The following RGS22 variants were observed in gnomAD, a reference collection of about 807,000 sequenced individuals.
The protein encoded by RGS22 is regulator of G protein signaling 22.
RGS22 carries 148 observed loss-of-function variants against 172.9 expected under a neutral mutation model. The observed-to-expected ratio is 0.86, with a 90% CI of 0.75 to 0.98. RGS22 has a LOEUF of 0.98. Ranked by LOEUF, RGS22 falls within the 50% of genes least tolerant of loss-of-function variation. The pLI is 0.00. For synonymous variants in RGS22, 458 were observed against 480.2 expected (o/e 0.95, Z 0.60); for missense variants, 1,347 against 1,440.8 (o/e 0.93, Z 1.05).
At position 99,978,000 on chromosome 8, in the gene RGS22, T is replaced by C; in HGVS notation, c.3436A>G (p.Ile1146Val). The C allele has an allele frequency of 6.4e-7, 1 of 1,552,532 alleles. No individual in the cohort carries two copies. Among genetic ancestry groups the C allele is most frequent in the Non-Finnish European group, 8.6e-7 (1 of 1,158,528 alleles). The change falls in exon 23 of 28, where the codon ATT becomes GTT. Residue 1146 changes from isoleucine to valine, a missense_variant. Coordinates refer to ENST00000360863, the MANE Select transcript of RGS22 (RefSeq NM_015668.5). Reference protein sequence around the residue: ...EFRKNLTDENIMSVLERRQEY... With the variant: ...EFRKNLTDENVMSVLERRQEY... The stretch of plus-strand genomic sequence containing the variant: ...TGTCTTCTCTCTAAAACACTCATAA[T>C]ATTTTCATCTGTTAAATTCTTCCTA...
chr8:100,078,507 G>T (rs1006404592), intron 4 of RGS22, among the ~76,000 whole-genome samples: 2 of 151,266 alleles, frequency 1.3e-5, no homozygotes, highest in African/African-American at 4.9e-5. Flanking sequence ...CATTTTCCTA[G>T]TTGTTTTATT....
intron 14 of RGS22, among the ~76,000 whole-genome samples, chr8:100,009,463 A>G (rs574147916): frequency 1.6e-4 from 24 of 151,726 alleles, no homozygotes; most frequent in South Asian, 8.4e-4. Flanking sequence ...GGAAAGATAT[A>G]CATAGAACCT....
Position 100,062,591 on chromosome 8 carries a change from C to A in RGS22, c.1514G>T (p.Trp505Leu). 1 of 1,576,604 alleles carries A rather than the reference C, an allele frequency of 6.3e-7. No individual in the cohort carries two copies. The highest frequency in any genetic ancestry group is 8.7e-7 in the Non-Finnish European group (1 of 1,154,362). ...AAGTAACTGATTCATGTTTTCTTAC[C>A]AATACAGAAGTAAAGGTTTTAAAAC... ...SEVLKPLLLY[W>L]APRFCVTHSA... Residue 505 changes from tryptophan (W) to leucine (L), a missense_variant and splice_region_variant, in exon 9 of 28, where the codon TGG (tryptophan) becomes TTG (leucine). Coordinates refer to ENST00000360863, the MANE Select transcript of RGS22 (RefSeq NM_015668.5).
intron 21 of RGS22, among the ~76,000 whole-genome samples, chr8:99,982,887 T>A (rs1370709865): frequency 6.6e-6 from 1 of 152,098 alleles, no homozygotes; most frequent in Non-Finnish European, 1.5e-5. Context: ...GATGCTGAGG[T>A]TTGGGGTACA....
At chr8:99,987,090 C>T (rs1452083277) in intron 21 of RGS22, among the ~76,000 whole-genome samples, 1 of 152,034 alleles carries the variant, frequency 6.6e-6, no homozygotes, top group Non-Finnish European at 1.5e-5. Context: ...TTGTATTATA[C>T]CTACTGGTTG....
Position 100,064,449 on chromosome 8 carries a change from C to T in RGS22, c.725-406G>A, listed in dbSNP as rs556063834. 3.0e-4 allele frequency among the ~76,000 whole-genome samples: 46 copies of T among 151,406 alleles called. No homozygotes were observed. In the Middle Eastern group the frequency reaches 0.034, roughly 112 times the overall value. On this transcript the variant is annotated intron_variant, in intron 7 of 27. Transcript: ENST00000360863. ...CTGCACTCCAGCCTGGGCAATAGAG[C>T]AAGACTCTGTCTCAAAAAAGAAAAG...
At chr8:100,029,720 A>AG (rs1390135843) in intron 14 of RGS22, among the ~76,000 whole-genome samples, 5 of 150,800 alleles carry the variant, frequency 3.3e-5, no homozygotes, top group East Asian at 1.9e-4. Context: ...AAAAAAAAAA[A>AG]AAAGAAAAAA....
chr8:99,992,793 T>G (rs931239510), intron 20 of RGS22, among the ~76,000 whole-genome samples: 1 of 152,062 alleles, frequency 6.6e-6, no homozygotes, highest in Non-Finnish European at 1.5e-5. Flanking sequence ...AACTCTTCAC[T>G]CCAAATCAAC....
At chr8:100,030,481 C>T (rs1477888545) in intron 14 of RGS22, among the ~76,000 whole-genome samples, 1 of 152,130 alleles carries the variant, frequency 6.6e-6, no homozygotes, top group Admixed American at 6.5e-5. Flanking sequence ...CAGCTCCATG[C>T]ATGTTACTGC....
At chr8:100,044,254 GT>G (rs1259883564) in intron 11 of RGS22, among the ~76,000 whole-genome samples, 2 of 152,146 alleles carry the variant, frequency 1.3e-5, no homozygotes, top group East Asian at 3.9e-4. Flanking sequence ...TTGTTTGTTC[GT>G]TTGTTTGTTT....
chr8:100,001,544 T>C (rs1382869388), intron 18 of RGS22, among the ~76,000 whole-genome samples: 1 of 152,100 alleles, frequency 6.6e-6, no homozygotes, highest in Non-Finnish European at 1.5e-5. Flanking sequence ...CAATCTTATA[T>C]TCTTGCTGTC....
At chr8:99,963,104 G>A in intron 24 of RGS22, 126 bp from the exon 25 acceptor site, 1 of 703,048 alleles carries the variant, frequency 1.4e-6, no homozygotes, top group Admixed American at 3.8e-5. Context: ...ATAAAGAAAA[G>A]TGCACATCAC....
intron 14 of RGS22, among the ~76,000 whole-genome samples, chr8:100,024,962 G>T (rs1245666566): frequency 2.0e-5 from 3 of 151,842 alleles, no homozygotes; most frequent in African/African-American, 7.3e-5. Context: ...GAGAAGTTCA[G>T]GTGTTGGCCT....
chr8:100,093,543 A>C (rs1812745991), intron 2 of RGS22, 34 bp from the exon 3 acceptor site: 1 of 1,394,196 alleles, frequency 7.2e-7, no homozygotes, highest in African/African-American at 1.5e-5. Flanking sequence ...ACAGTATTAT[A>C]ATTATACATT....
At chr8:99,973,365 G>A (rs1419249839) in intron 23 of RGS22, among the ~76,000 whole-genome samples, 5 of 152,142 alleles carry the variant, frequency 3.3e-5, no homozygotes, top group Non-Finnish European at 7.4e-5. Context: ...TCTTTTGCAG[G>A]GACATGAATG....
chr8:100,053,462 G>GGGAGAT, intron 9 of RGS22, among the ~76,000 whole-genome samples: 1 of 128,044 alleles, frequency 7.8e-6, no homozygotes, highest in East Asian at 2.4e-4. Context: ...GGGAGGGAGA[G>GGGAGAT]AGGGAGGGAG....
At chr8:100,020,042 G>A (rs1054783712) in intron 14 of RGS22, among the ~76,000 whole-genome samples, 7 of 152,014 alleles carry the variant, frequency 4.6e-5, no homozygotes, top group South Asian at 2.1e-4. Flanking sequence ...CTGCCACCAC[G>A]CCCAGCTAAT....
At chr8:100,061,242 G>A (rs999757293) in intron 9 of RGS22, among the ~76,000 whole-genome samples, 2 of 152,130 alleles carry the variant, frequency 1.3e-5, no homozygotes, top group Admixed American at 6.5e-5. Flanking sequence ...TCAGGACATA[G>A]GCACAGGCAA....
intron 20 of RGS22, among the ~76,000 whole-genome samples, chr8:99,989,905 TATAG>T (rs112953671): frequency 0.015 from 2,107 of 144,456 alleles, 28 homozygotes; most frequent in African/African-American, 0.038. Context: ...GATAGATAGA[TATAG>T]ATAGATAGAT....
Sources: gnomAD v4.1 joint callset for allele counts (sites outside exome capture counted in the v4.1 genomes callset) on GRCh38, gnomAD v4.1.1 for gene constraint, MANE v1.5 for transcripts, NCBI Gene and HGNC (gene_info 2026-07-23, HGNC 2026-07-21) for gene names.